The following VPS54 variants were observed in gnomAD, a reference collection of about 807,000 sequenced individuals.
VPS54 encodes the protein vacuolar protein sorting-associated protein 54.
Under a neutral mutation model 121.5 loss-of-function variants are expected in VPS54, and 45 were observed. The observed-to-expected ratio is 0.37, with a 90% CI of 0.29 to 0.47. The LOEUF is 0.47. VPS54 is among the 20% of genes least tolerant of loss of function. The probability of loss-of-function intolerance (pLI) is 0.99; values close to 1 mark genes in which losing one functional copy is unlikely to be tolerated. For missense variants in VPS54, 1,090 were observed against 1,131.4 expected (o/e 0.96, Z 0.52); for synonymous variants, 371 against 385.8 (o/e 0.96, Z 0.45).
rs746426673 is a variant in VPS54, at chr2:63,912,524, AT to A, written c.2544+15del. Reference sequence around the variant, plus strand: ...TAAACTTATGAAACGCCAATAGAAAATATATGAAAAAGTACCTTAGTGATAT... The same window carrying A: ...TAAACTTATGAAACGCCAATAGAAAAATATGAAAAAGTACCTTAGTGATAT... On this transcript the variant is annotated intron_variant, in intron 19 of 22. Coordinates refer to ENST00000272322, the MANE Select transcript of VPS54 (RefSeq NM_016516.3). 2.1e-5 allele frequency: 34 copies of A among 1,612,170 alleles called. No individual in the cohort carries two copies. The highest frequency in any genetic ancestry group is 2.9e-5 in the Non-Finnish European group (34 of 1,179,422).
At chr2:63,994,375 A>T (rs1677481677) in intron 1 of VPS54, among the ~76,000 whole-genome samples, 1 of 152,078 alleles carries the variant, frequency 6.6e-6, no homozygotes, top group African/African-American at 2.4e-5. Context: ...GCTACACAAA[A>T]TTATTCTTAT....
At chr2:63,973,422 C>G (rs1474396627) in intron 3 of VPS54, among the ~76,000 whole-genome samples, 1 of 152,206 alleles carries the variant, frequency 6.6e-6, no homozygotes, top group Non-Finnish European at 1.5e-5. Context: ...TGTTGACCAT[C>G]TTTCCATGTG....
intron 12 of VPS54, among the ~76,000 whole-genome samples, chr2:63,924,022 G>C (rs1673774755): frequency 6.6e-6 from 1 of 152,182 alleles, no homozygotes; most frequent in South Asian, 2.1e-4. Context: ...ACTGAACATA[G>C]AAAGAACCAT....
At chr2:64,000,789 C>A (rs114820305) in intron 1 of VPS54, among the ~76,000 whole-genome samples, 336 of 152,336 alleles carry the variant, frequency 2.2e-3, no homozygotes, top group Non-Finnish European at 3.9e-3. Flanking sequence ...ACACAAGCAC[C>A]CTGTGGTCAA....
chr2:63,945,614 TCA>T (rs1274218867), intron 9 of VPS54, among the ~76,000 whole-genome samples: 2 of 152,176 alleles, frequency 1.3e-5, no homozygotes, highest in African/African-American at 2.4e-5. Context: ...TATGTATCTC[TCA>T]CAGTGTTTGA....
chr2:63,949,271 G>T, intron 7 of VPS54, 108 bp from the exon 8 acceptor site: 1 of 1,031,116 alleles, frequency 9.7e-7, no homozygotes, highest in Non-Finnish European at 1.4e-6. Flanking sequence ...CAGTACCTGT[G>T]CAATAATGCA....
chr2:63,902,138 G>A (rs1170454594), intron 20 of VPS54, among the ~76,000 whole-genome samples: 1 of 152,130 alleles, frequency 6.6e-6, no homozygotes, highest in African/African-American at 2.4e-5. Context: ...TCAAGGCCAG[G>A]GATACAGGCT....
chr2:63,970,711 TG>T (rs994605466), intron 4 of VPS54, among the ~76,000 whole-genome samples: 14 of 152,164 alleles, frequency 9.2e-5, no homozygotes, highest in Non-Finnish European at 2.1e-4. Context: ...AATTCTCTCT[TG>T]GTTGACTTTC....
intron 7 of VPS54, among the ~76,000 whole-genome samples, chr2:63,950,112 C>T (rs1006828388): frequency 1.3e-5 from 2 of 152,180 alleles, no homozygotes; most frequent in African/African-American, 4.8e-5. Flanking sequence ...CTTCATTCCT[C>T]ACCCTTGTCA....
At position 63,962,399 on chromosome 2, in the gene VPS54, C is replaced by A; in HGVS notation, c.669G>T (p.Gln223His). 1 of 1,613,650 alleles carries A rather than the reference C, an allele frequency of 6.2e-7. No homozygotes were observed. Among genetic ancestry groups the A allele is most frequent in the Non-Finnish European group, 8.5e-7 (1 of 1,179,764 alleles). ...LDIVEVNIAH[Q>H]ISLRSEAFFH... ...AAAATGCTTCTGAACGTAGAGAGAT[C>A]TGGTGAGCAATGTTTACTTCCACAA... is the stretch of plus-strand genomic sequence containing the variant. The change falls in exon 7 of 23, where the codon CAG (glutamine) becomes CAT (histidine). Residue 223 changes from glutamine (Q) to histidine (H), a missense_variant. This residue lies in a region of VPS54 where 801 missense variants were observed against 757.0 expected (regional missense o/e 1.06). Transcript: ENST00000272322.
chr2:63,980,888 C>A (rs1042596960), intron 3 of VPS54, among the ~76,000 whole-genome samples: 2 of 151,792 alleles, frequency 1.3e-5, no homozygotes, highest in African/African-American at 2.4e-5. Context: ...AATATATACA[C>A]ACAAAGGCAA....
chr2:63,943,161 A>G (rs545147558), intron 10 of VPS54, among the ~76,000 whole-genome samples: 5 of 152,232 alleles, frequency 3.3e-5, no homozygotes, highest in Admixed American at 6.5e-5. Flanking sequence ...CACATTTTTA[A>G]AAGTACCATG....
chr2:63,902,985 TAACATAACATAACATAACAC>T (rs1397020630), intron 20 of VPS54, among the ~76,000 whole-genome samples: 2 of 141,064 alleles, frequency 1.4e-5, no homozygotes, highest in African/African-American at 6.1e-5. Flanking sequence ...CATAACAACA[TAACATAACATAACATAACAC>T]AACATAACAT....
chr2:63,995,110 G>C (rs1677519299), intron 1 of VPS54, among the ~76,000 whole-genome samples: 1 of 152,182 alleles, frequency 6.6e-6, no homozygotes, highest in Admixed American at 6.5e-5. Flanking sequence ...TGTCTGGACT[G>C]CAAGTATGGG....
intron 12 of VPS54, among the ~76,000 whole-genome samples, chr2:63,931,008 T>TA (rs1478299603): frequency 6.6e-6 from 1 of 152,160 alleles, no homozygotes; most frequent in East Asian, 1.9e-4. Flanking sequence ...CTCAAGGAAA[T>TA]AAGAGAGGAC....
chr2:63,974,909 T>A, intron 3 of VPS54: 1 of 1,406,946 alleles, frequency 7.1e-7, no homozygotes. Context: ...TTTATATATT[T>A]TATTTCCTTT....
chr2:63,952,985 T>A (rs568531528), intron 7 of VPS54, among the ~76,000 whole-genome samples: 2 of 152,034 alleles, frequency 1.3e-5, no homozygotes, highest in African/African-American at 4.8e-5. Flanking sequence ...TCACAATGCA[T>A]TTATTTTAAA....
At chr2:63,915,965 G>T (rs1673363601) in intron 16 of VPS54, among the ~76,000 whole-genome samples, 3 of 152,172 alleles carry the variant, frequency 2.0e-5, no homozygotes, top group African/African-American at 7.2e-5. Context: ...TAAGTGCCAT[G>T]ATTGAGGAAC....
intron 1 of VPS54, among the ~76,000 whole-genome samples, chr2:63,992,704 T>C (rs557616631): frequency 6.6e-6 from 1 of 152,396 alleles, no homozygotes; most frequent in Admixed American, 6.5e-5. Context: ...AAGTGGTGGA[T>C]GGTAACCAAT....
Sources: allele counts gnomAD v4.1 joint callset (sites outside exome capture counted in the v4.1 genomes callset), GRCh38; gene constraint gnomAD v4.1.1; regional missense constraint gnomAD v4.1.1; transcripts MANE v1.5; gene names NCBI Gene and HGNC (gene_info 2026-07-23, HGNC 2026-07-21).